Variants in PIP4K2B observed in about 807,000 individuals in gnomAD.
PIP4K2B encodes phosphatidylinositol 5-phosphate 4-kinase type-2 beta.
In PIP4K2B, 3 loss-of-function variants were observed where a neutral mutation model predicts 42.0. That is an observed-to-expected ratio of 0.07 (90% CI 0.03 to 0.18). PIP4K2B has a LOEUF of 0.18. Ranked by LOEUF, PIP4K2B falls within the 10% of genes least tolerant of loss-of-function variation. PIP4K2B has a pLI of 1.00. For missense variants in PIP4K2B, 332 were observed against 562.3 expected (o/e 0.59, Z 4.14); for synonymous variants, 204 against 210.1 (o/e 0.97, Z 0.25).
intron 2 of PIP4K2B, among the ~76,000 whole-genome samples, chr17:38,785,797 T>C (rs1909977071): frequency 6.6e-6 from 1 of 152,076 alleles, no homozygotes. Flanking sequence ...ATCAAGGAGG[T>C]AGCACCTCAC....
intron 9 of PIP4K2B, among the ~76,000 whole-genome samples, chr17:38,769,990 C>T (rs576705260): frequency 6.3e-4 from 96 of 152,158 alleles, no homozygotes; most frequent in Non-Finnish European, 1.1e-3. Context: ...AGGCCTGCAC[C>T]GAAGTAGAAG....
intron 5 of PIP4K2B, among the ~76,000 whole-genome samples, chr17:38,779,104 T>C (rs1025143754): frequency 2.0e-5 from 3 of 152,214 alleles, no homozygotes; most frequent in Non-Finnish European, 2.9e-5. Flanking sequence ...CTAAAGTGCA[T>C]GCGTCAGCAC....
chr17:38,775,433 TAG>T (rs956490079), intron 7 of PIP4K2B, among the ~76,000 whole-genome samples: 2 of 152,140 alleles, frequency 1.3e-5, no homozygotes, highest in Non-Finnish European at 2.9e-5. Context: ...TAATTTTTTG[TAG>T]AGACAGGATC....
Position 38,769,418 on chromosome 17 carries a change from C to A in PIP4K2B, c.*273G>T. 2.1e-6 allele frequency: 1 copy of A among 471,252 alleles called. No homozygotes were observed. The highest frequency in any genetic ancestry group is 3.8e-6 in the Non-Finnish European group (1 of 264,626). 29.2% of individuals were successfully genotyped at this position (471,252 alleles called of 1,614,324 possible). On this transcript the variant is annotated 3_prime_UTR_variant, in exon 10 of 10. Transcript: ENST00000619039. ...AGGTTACAAGGTACCAAAAAGGGAA[C>A]CCCTTTTTAACCTGGGTGTCAAATG...
intron 1 of PIP4K2B, among the ~76,000 whole-genome samples, chr17:38,795,904 C>T (rs1438230064): frequency 3.9e-5 from 6 of 151,960 alleles, no homozygotes; most frequent in South Asian, 2.1e-4. Flanking sequence ...TTTGGGAGGC[C>T]GAGGCAGGTG....
At position 38,778,386 on chromosome 17, in the gene PIP4K2B, A is replaced by G. The variant is rs758272794; in HGVS notation, c.655-14T>C. The stretch of plus-strand genomic sequence containing the variant: ...AACCGTAGAACCCTGAAAGGATAAG[A>G]GCCATCAGGGGAAGTCAAGCTGAGG... On this transcript the variant is annotated splice_polypyrimidine_tract_variant and intron_variant, in intron 5 of 9. Coordinates refer to ENST00000619039, the MANE Select transcript of PIP4K2B (RefSeq NM_003559.5). The G allele has an allele frequency of 2.3e-5, 37 of 1,613,684 alleles. 1 individual carries two copies. In the South Asian group the frequency reaches 4.0e-4, roughly 17 times the overall value.
At chr17:38,797,858 G>C (rs1262440774) in intron 1 of PIP4K2B, among the ~76,000 whole-genome samples, 1 of 152,162 alleles carries the variant, frequency 6.6e-6, no homozygotes, top group Non-Finnish European at 1.5e-5. Flanking sequence ...AACTGGGCTG[G>C]ATTGTTGGCC....
rs905368096 is a variant in PIP4K2B at position 38,766,106 on chromosome 17, C to T, written c.*3585G>A. Reference sequence around the variant, plus strand: ...AAGCTGCCAAGGGACAGCTGAGTCTCCTTTTCCCCATGGGGCACTCTTCAT... The same window carrying T: ...AAGCTGCCAAGGGACAGCTGAGTCTTCTTTTCCCCATGGGGCACTCTTCAT... On this transcript the variant is annotated 3_prime_UTR_variant, in exon 10 of 10. Coordinates refer to ENST00000619039, the MANE Select transcript of PIP4K2B (RefSeq NM_003559.5). The T allele has an allele frequency of 1.3e-5, 2 of 152,416 alleles. No homozygotes were observed. Among genetic ancestry groups the T allele is most frequent in the Non-Finnish European group, 2.9e-5 (2 of 68,056 alleles). The allele number at this position is 152,416 out of a possible 1,614,324, so 9.4% of individuals were successfully genotyped here.
chr17:38,788,387 A>G lies in PIP4K2B; in HGVS notation c.160-1467T>C, dbSNP rs948125415. 9.9e-5 allele frequency among the ~76,000 whole-genome samples: 15 copies of G among 152,048 alleles called. No individual in the cohort carries two copies. The East Asian group carries it at 1.4e-3, about 14-fold the overall frequency. On this transcript the variant is annotated intron_variant, in intron 1 of 9. Transcript: ENST00000619039. The stretch of plus-strand genomic sequence containing the variant: ...GGCTAATTTTTTGTATTTTTAGTAG[A>G]GACAGGGTTTCACCATGTTAGCCTG...
intron 1 of PIP4K2B, among the ~76,000 whole-genome samples, chr17:38,798,897 G>A (rs952901223): frequency 4.6e-5 from 7 of 151,480 alleles, no homozygotes. Flanking sequence ...GAACAAGGGG[G>A]AATATACACC....
At position 38,780,658 on chromosome 17, in the gene PIP4K2B, T is replaced by C. The variant is rs1909652550; in HGVS notation, c.355-54A>G. 7 of 1,565,618 alleles carry C rather than the reference T, an allele frequency of 4.5e-6. No homozygotes were observed. In the East Asian group the frequency reaches 1.6e-4, roughly 35 times the overall value. The stretch of plus-strand genomic sequence containing the variant: ...CTTGGCAGGGGAACAGAATTCTGAC[T>C]TTCGCTGAGTCTTCCCTCAGGGGCT... On this transcript the variant is annotated intron_variant, in intron 3 of 9. Transcript: ENST00000619039.
rs537599192 is a variant in PIP4K2B, at chr17:38,778,713, C to T, written c.655-341G>A. Among the ~76,000 whole-genome samples, 65 of 152,202 alleles carry T rather than the reference C, an allele frequency of 4.3e-4. No homozygotes were observed. In the Middle Eastern group the frequency reaches 0.01, roughly 24 times the overall value. ...CAGTGGTACAGGGAGGAGCAGGACA[C>T]TCTGAAAGCACATACCACACGGGCC... On this transcript the variant is annotated intron_variant, in intron 5 of 9. Coordinates refer to ENST00000619039, the MANE Select transcript of PIP4K2B (RefSeq NM_003559.5).
At chr17:38,783,746 G>C (rs228300) in intron 3 of PIP4K2B, among the ~76,000 whole-genome samples, 30,912 of 151,908 alleles carry the variant, frequency 0.2, 3,324 homozygotes, top group Admixed American at 0.28. Context: ...GACTATAGGC[G>C]CACATCACCA....
intron 7 of PIP4K2B, among the ~76,000 whole-genome samples, 173 bp from the exon 8 acceptor site, chr17:38,771,445 G>A (rs1909036339): frequency 7.0e-6 from 1 of 143,234 alleles, no homozygotes; most frequent in Non-Finnish European, 1.5e-5. Flanking sequence ...CTCTCTAATG[G>A]GGAAGACAGT....
At chr17:38,775,660 A>G (rs773292117) in intron 7 of PIP4K2B, among the ~76,000 whole-genome samples, 2 of 152,056 alleles carry the variant, frequency 1.3e-5, no homozygotes, top group African/African-American at 2.4e-5. Flanking sequence ...GATCGAAACC[A>G]TCCTGGTCAA....
At chr17:38,793,100 TG>T (rs781564922) in intron 1 of PIP4K2B, among the ~76,000 whole-genome samples, 3 of 151,924 alleles carry the variant, frequency 2.0e-5, no homozygotes, top group Non-Finnish European at 4.4e-5. Flanking sequence ...GGCAAATTTT[TG>T]TATTTTTAGT....
At chr17:38,777,574 C>T (rs1909434060) in intron 7 of PIP4K2B, 113 bp downstream of exon 7, 1 of 744,842 alleles carries the variant, frequency 1.3e-6, no homozygotes. Flanking sequence ...AAATCACCAC[C>T]CTTTTGTCCA....
chr17:38,792,732 G>A (rs228240), intron 1 of PIP4K2B: 32,527 of 152,060 alleles, frequency 0.21, 3,572 homozygotes, highest in Admixed American at 0.28. Context: ...TCACAGGACC[G>A]AGGAGGTCCA....
At chr17:38,788,290 T>C (rs1910153072) in intron 1 of PIP4K2B, among the ~76,000 whole-genome samples, 2 of 152,028 alleles carry the variant, frequency 1.3e-5, no homozygotes, top group Admixed American at 1.3e-4. Context: ...AAGCTCCGCC[T>C]CCTGGGTTCA....
Sources: gnomAD v4.1 joint callset for allele counts (sites outside exome capture counted in the v4.1 genomes callset) on GRCh38, gnomAD v4.1.1 for gene constraint, MANE v1.5 for transcripts, NCBI Gene and HGNC (gene_info 2026-07-23, HGNC 2026-07-21) for gene names.